NOTCH2NLB: variants seen among roughly 807,000 people sequenced by gnomAD.
The protein encoded by NOTCH2NLB is notch 2 N-terminal like B.
In NOTCH2NLB, 1 loss-of-function variant was observed where a neutral mutation model predicts 14.8. The observed-to-expected ratio is 0.07, with a 90% CI of 0.02 to 0.32. The LOEUF (loss-of-function observed/expected upper bound fraction) is 0.32, where lower values mean the gene tolerates loss of function less well. Among genes scored for constraint, NOTCH2NLB ranks in the 10% least tolerant of loss-of-function variants. The pLI is 1.00. For synonymous variants in NOTCH2NLB, 6 were observed against 57.5 expected (o/e 0.10, Z 4.05); for missense variants, 11 against 155.0 (o/e 0.07, Z 4.93).
chr1:148,634,356 G>C lies in NOTCH2NLB; in HGVS notation c.77+5660C>G, dbSNP rs1213584597. Among the ~76,000 whole-genome samples, 568 of 148,706 alleles carry C rather than the reference G, an allele frequency of 3.8e-3. 8 individuals are homozygous for C. The highest frequency in any genetic ancestry group is 0.013 in the African/African-American group (532 of 40,716). ...AATTTAACAGTTGATATTTTTCCCTGTCTATTTCTTTGATCTGACAATGCC... is the reference window on the plus strand; with the variant it reads ...AATTTAACAGTTGATATTTTTCCCTCTCTATTTCTTTGATCTGACAATGCC... On this transcript the variant is annotated intron_variant, in intron 2 of 4. Transcript: ENST00000593495.
In NOTCH2NLB at chr1:148,679,595, G is replaced by A; in HGVS notation, c.-131C>T. 4 of 1,087,706 alleles carry A rather than the reference G, an allele frequency of 3.7e-6. 1 individual carries two copies. The highest frequency in any genetic ancestry group is 3.5e-6 in the Non-Finnish European group (3 of 850,130). 67.4% of individuals were successfully genotyped at this position (1,087,706 alleles called of 1,614,324 possible). ...CAGATCCACATGGGGAGGGGGTCCC[G>A]ATAGAGGAGCCCCACTCTCTCCTCC... is the stretch of plus-strand genomic sequence containing the variant. On this transcript the variant is annotated 5_prime_UTR_variant, in exon 1 of 5. Coordinates refer to ENST00000593495, the Ensembl canonical transcript of NOTCH2NLB.
chr1:148,670,535 A>ATATATAT (rs1347581270), intron 1 of NOTCH2NLB, among the ~76,000 whole-genome samples: 821 of 58,846 alleles, frequency 0.014, 8 homozygotes, highest in East Asian at 0.018. Context: ...AAACTAAAAA[A>ATATATAT]AAAAATATAT....
In NOTCH2NLB at chr1:148,622,442, G is replaced by A. The variant is rs1420451022; in HGVS notation, c.78-6492C>T. Among the ~76,000 whole-genome samples, 3 of 80,040 alleles carry A rather than the reference G, an allele frequency of 3.7e-5. 1 individual carries two copies. The highest frequency in any genetic ancestry group is 6.8e-5 in the Non-Finnish European group (3 of 44,292). 52.5% of individuals were successfully genotyped at this position (80,040 alleles called of 152,430 possible). On this transcript the variant is annotated intron_variant, in intron 2 of 4. Coordinates refer to ENST00000593495, the Ensembl canonical transcript of NOTCH2NLB. The stretch of plus-strand genomic sequence containing the variant: ...CAAACCCAAGTAGACTCTAGAGTGC[G>A]TGTGCTTCAACACTAGGCTATCCTG...
intron 2 of NOTCH2NLB, among the ~76,000 whole-genome samples, chr1:148,634,280 T>G (rs1203429885): frequency 1.3e-5 from 2 of 149,794 alleles, no homozygotes; most frequent in African/African-American, 4.9e-5. Context: ...GCACCGTACT[T>G]GAAGGAACTA....
At chr1:148,661,304 A>G (rs1461166545) in intron 1 of NOTCH2NLB, among the ~76,000 whole-genome samples, 2 of 149,712 alleles carry the variant, frequency 1.3e-5, no homozygotes, top group African/African-American at 2.4e-5. Flanking sequence ...TTATAAAAAA[A>G]GTTTTGAAAA....
chr1:148,637,655 A>G (rs1265461854), intron 2 of NOTCH2NLB, among the ~76,000 whole-genome samples: 8 of 145,320 alleles, frequency 5.5e-5, no homozygotes, highest in East Asian at 2.0e-4. Context: ...TACATGTGCC[A>G]TGGTGGTTTG....
the NOTCH2NLB span, among the ~76,000 whole-genome samples, chr1:148,685,003 A>G: frequency 8.2e-6 from 1 of 122,140 alleles, no homozygotes; most frequent in African/African-American, 2.9e-5. Context: ...TCATATAGGA[A>G]TGCTCACTGT....
chr1:148,600,960 ATAT>A, the NOTCH2NLB span, among the ~76,000 whole-genome samples: 1 of 143,052 alleles, frequency 7.0e-6, no homozygotes, highest in Non-Finnish European at 1.5e-5. Context: ...ATATGATAAA[ATAT>A]TATTCAGCCA....
chr1:148,625,761 C>T (rs1446105384), intron 2 of NOTCH2NLB, among the ~76,000 whole-genome samples: 1 of 93,998 alleles, frequency 1.1e-5, no homozygotes, highest in Non-Finnish European at 2.0e-5. Flanking sequence ...CTAACAAAAC[C>T]CAGAAACCAA....
chr1:148,610,154 A>C (rs1467284786), intron 3 of NOTCH2NLB, among the ~76,000 whole-genome samples: 1 of 134,366 alleles, frequency 7.4e-6, no homozygotes, highest in South Asian at 2.4e-4. Flanking sequence ...CGGGCTTCAT[A>C]GCGCATGCCT....
At chr1:148,611,729 AT>A (rs1218823782) in intron 3 of NOTCH2NLB, among the ~76,000 whole-genome samples, 54 of 69,794 alleles carry the variant, frequency 7.7e-4, no homozygotes, top group African/African-American at 2.1e-3. Context: ...CGATTTGCAC[AT>A]CAGGACTGCT....
intron 1 of NOTCH2NLB, among the ~76,000 whole-genome samples, chr1:148,648,156 TTCA>T (rs1458368492): frequency 4.8e-4 from 66 of 138,110 alleles, no homozygotes; most frequent in African/African-American, 1.6e-3. Context: ...GCAAAAAAAA[TTCA>T]TCAGTGTTTG....
At chr1:148,632,946 C>T (rs1434460720) in intron 2 of NOTCH2NLB, among the ~76,000 whole-genome samples, 1 of 120,142 alleles carries the variant, frequency 8.3e-6, no homozygotes, top group Non-Finnish European at 1.6e-5. Flanking sequence ...ATGTTAAAGG[C>T]CATTTCTCAG....
At chr1:148,630,707 AGTACTTGTTCCTTT>A in intron 2 of NOTCH2NLB, among the ~76,000 whole-genome samples, 1 of 66,738 alleles carries the variant, frequency 1.5e-5, no homozygotes, top group Non-Finnish European at 2.5e-5. Flanking sequence ...TTTGTCCCAC[AGTACTTGTTCCTTT>A]GTCTGAGTGT....
intron 1 of NOTCH2NLB, among the ~76,000 whole-genome samples, chr1:148,651,144 G>GAAAAAAA (rs1159790526): frequency 5.1e-4 from 39 of 76,472 alleles, no homozygotes; most frequent in South Asian, 1.4e-3. Flanking sequence ...CTCTGCCTGA[G>GAAAAAAA]AAAAAAAAAA....
rs1168969586 is a variant in NOTCH2NLB, at chr1:148,627,786, G to A, written c.78-11836C>T. Among the ~76,000 whole-genome samples, 49 of 145,812 alleles carry A rather than the reference G, an allele frequency of 3.4e-4. No individual in the cohort carries two copies. The East Asian group carries it at 0.01, about 30-fold the overall frequency. ...CCCTTATTATGATTATCTGTCAACA[G>A]ACTAAAATTATTAATTCTCATACTC... is the stretch of plus-strand genomic sequence containing the variant. On this transcript the variant is annotated intron_variant, in intron 2 of 4. Coordinates refer to ENST00000593495, the Ensembl canonical transcript of NOTCH2NLB.
intron 3 of NOTCH2NLB, among the ~76,000 whole-genome samples, chr1:148,608,224 T>C (rs2149597703): frequency 7.3e-6 from 1 of 136,198 alleles, no homozygotes; most frequent in Non-Finnish European, 1.5e-5. Flanking sequence ...CTGTCTCTAC[T>C]AAAAATACAA....
downstream of NOTCH2NLB, among the ~76,000 whole-genome samples, chr1:148,602,733 GATAA>G (rs1221699205): frequency 5.7e-5 from 2 of 35,256 alleles, no homozygotes; most frequent in African/African-American, 1.7e-4. Flanking sequence ...AAGATGAACA[GATAA>G]ATAATCACCG....
In NOTCH2NLB at chr1:148,637,966, C is replaced by A. The variant is rs1321343985; in HGVS notation, c.77+2050G>T. On this transcript the variant is annotated intron_variant, in intron 2 of 4. Coordinates refer to ENST00000593495, the Ensembl canonical transcript of NOTCH2NLB. Reference sequence around the variant, plus strand: ...CATACTATTCCATCGTGTATACATGCCACATTTTCTTTATCCAGTCTATCA... The same window carrying A: ...CATACTATTCCATCGTGTATACATGACACATTTTCTTTATCCAGTCTATCA... 6.1e-5 allele frequency among the ~76,000 whole-genome samples: 9 copies of A among 147,816 alleles called. 2 individuals carry two copies. The highest frequency in any genetic ancestry group is 2.0e-4 in the African/African-American group (8 of 39,376).
Sources: allele counts gnomAD v4.1 joint callset (sites outside exome capture counted in the v4.1 genomes callset), GRCh38; gene constraint gnomAD v4.1.1; transcripts MANE v1.5; gene names NCBI Gene and HGNC (gene_info 2026-07-23, HGNC 2026-07-21).